MAML3: variants seen among roughly 807,000 people sequenced by gnomAD.
The protein encoded by MAML3 is mastermind like transcriptional coactivator 3.
MAML3 carries 27 observed loss-of-function variants against 101.9 expected under a neutral mutation model. The ratio of observed to expected loss-of-function variants is 0.27; its 90% CI spans 0.20 to 0.37. The LOEUF is 0.37. Among genes scored for constraint, MAML3 ranks in the 10% least tolerant of loss-of-function variants. The pLI, the probability that MAML3 is intolerant of heterozygous loss-of-function variation, is 1.00. For synonymous variants in MAML3, 501 were observed against 555.9 expected, an observed-to-expected ratio of 0.90 and a Z score of 1.39; for missense variants, 1,316 against 1,444.9, an observed-to-expected ratio of 0.91 and a Z score of 1.45.
At chr4:140,122,204 GAA>G (rs1222232530) in intron 1 of MAML3, among the ~76,000 whole-genome samples, 1 of 146,572 alleles carries the variant, frequency 6.8e-6, no homozygotes, top group Non-Finnish European at 1.5e-5. Flanking sequence ...CTTCTCACAG[GAA>G]TAATCAAACG....
chr4:139,764,488 C>T (rs775377981), intron 2 of MAML3, among the ~76,000 whole-genome samples: 4 of 152,164 alleles, frequency 2.6e-5, no homozygotes, highest in African/African-American at 9.7e-5. Flanking sequence ...ATTCTGTGAC[C>T]GAGGACATTG....
chr4:140,152,414 G>A (rs980461512), intron 1 of MAML3, among the ~76,000 whole-genome samples: 1 of 152,136 alleles, frequency 6.6e-6, no homozygotes, highest in East Asian at 1.9e-4. Flanking sequence ...CGGCGGATGT[G>A]CTGAGAGGGG....
chr4:140,123,731 C>A (rs1728643400), intron 1 of MAML3, among the ~76,000 whole-genome samples: 2 of 152,082 alleles, frequency 1.3e-5, no homozygotes, highest in African/African-American at 4.8e-5. Flanking sequence ...TGTGAGGGGG[C>A]CAACATCTTT....
chr4:140,076,944 C>T (rs1360121463), intron 1 of MAML3, among the ~76,000 whole-genome samples: 3 of 152,114 alleles, frequency 2.0e-5, no homozygotes, highest in Admixed American at 2.0e-4. Context: ...GGCTGGAGTG[C>T]AGTGGCGCAA....
At chr4:139,893,476 G>A (rs1432576100) in intron 1 of MAML3, among the ~76,000 whole-genome samples, 1 of 152,224 alleles carries the variant, frequency 6.6e-6, no homozygotes, top group Admixed American at 6.5e-5. Context: ...AGGAACCGTG[G>A]CTGACGTGCT....
intron 1 of MAML3, among the ~76,000 whole-genome samples, chr4:140,021,308 T>G (rs112350874): frequency 6.6e-6 from 1 of 152,294 alleles, no homozygotes; most frequent in African/African-American, 2.4e-5. Flanking sequence ...GAGTATGGAC[T>G]ACTTAAGCAA....
intron 1 of MAML3, among the ~76,000 whole-genome samples, chr4:140,009,417 G>A (rs1726512557): frequency 6.6e-6 from 1 of 152,186 alleles, no homozygotes; most frequent in Non-Finnish European, 1.5e-5. Context: ...CTGTACTACA[G>A]TCCAGTGGAG....
intron 1 of MAML3, among the ~76,000 whole-genome samples, chr4:140,066,514 C>T (rs1727539592): frequency 6.6e-6 from 1 of 152,150 alleles, no homozygotes; most frequent in Admixed American, 6.6e-5. Context: ...TCTCAGGCCA[C>T]ACAAGTCAGC....
At position 139,758,117 on chromosome 4, in the gene MAML3, CA is replaced by C. The variant is rs147176747; in HGVS notation, c.2080-27451del. 7.6e-3 allele frequency among the ~76,000 whole-genome samples: 1,159 copies of C among 152,268 alleles called. 14 individuals are homozygous for C. Among genetic ancestry groups the C allele is most frequent in the African/African-American group, 0.027 (1,109 of 41,560 alleles). On this transcript the variant is annotated intron_variant, in intron 2 of 4. Transcript: ENST00000509479. ...TAGGACCTAATGACTTAGTGATAGA[CA>C]AATGATGGAAAATAGGTCTGTGATT...
intron 1 of MAML3, among the ~76,000 whole-genome samples, chr4:139,994,168 CA>C (rs2110832695): frequency 6.6e-6 from 1 of 152,316 alleles, no homozygotes; most frequent in African/African-American, 2.4e-5. Context: ...TCTGGACTCC[CA>C]AAATTCTGTT....
At chr4:139,914,218 C>T (rs979151849) in intron 1 of MAML3, among the ~76,000 whole-genome samples, 1 of 152,104 alleles carries the variant, frequency 6.6e-6, no homozygotes, top group Non-Finnish European at 1.5e-5. Flanking sequence ...AAAACAATCA[C>T]CCCACGTTGC....
chr4:139,911,774 G>T (rs530685333), intron 1 of MAML3, among the ~76,000 whole-genome samples: 20 of 152,312 alleles, frequency 1.3e-4, no homozygotes, highest in Admixed American at 1.3e-3. Context: ...GAAGACAGTT[G>T]TCTATGATCC....
Position 140,053,238 on chromosome 4 carries a change from T to C in MAML3, c.468+99622A>G, listed in dbSNP as rs115473322. Among the ~76,000 whole-genome samples the C allele has an allele frequency of 2.5e-3, 381 of 152,166 alleles. 2 individuals carry two copies. The highest frequency in any genetic ancestry group is 8.6e-3 in the African/African-American group (356 of 41,478). The stretch of plus-strand genomic sequence containing the variant: ...TCTCTCCAAACAGCCCCTTCCAATA[T>C]TCTTCATGTCTTCATGGCAGCAGCA... On this transcript the variant is annotated intron_variant, in intron 1 of 4. Coordinates refer to ENST00000509479, the MANE Select transcript of MAML3 (RefSeq NM_018717.5).
intron 1 of MAML3, among the ~76,000 whole-genome samples, chr4:140,009,503 C>T (rs1409172635): frequency 6.6e-6 from 1 of 152,024 alleles, no homozygotes; most frequent in Non-Finnish European, 1.5e-5. Flanking sequence ...TTTTTTTGTC[C>T]TCCATTAACC....
chr4:140,122,871 T>G (rs938825153), intron 1 of MAML3, among the ~76,000 whole-genome samples: 4 of 152,080 alleles, frequency 2.6e-5, no homozygotes, highest in Non-Finnish European at 5.9e-5. Context: ...AATAGTTAAC[T>G]TGAAGTAAAT....
At chr4:139,929,983 C>A (rs959509850) in intron 1 of MAML3, among the ~76,000 whole-genome samples, 1 of 152,204 alleles carries the variant, frequency 6.6e-6, no homozygotes, top group Non-Finnish European at 1.5e-5. Context: ...AGTACTCCTG[C>A]ATCCACCTGC....
chr4:140,135,633 G>C (rs1487913425), intron 1 of MAML3, among the ~76,000 whole-genome samples: 2 of 152,238 alleles, frequency 1.3e-5, no homozygotes, highest in African/African-American at 4.8e-5. Context: ...TTGCCAATGA[G>C]ACTAGACGTC....
At chr4:139,856,473 G>A (rs1327269982) in intron 2 of MAML3, among the ~76,000 whole-genome samples, 1 of 152,190 alleles carries the variant, frequency 6.6e-6, no homozygotes, top group African/African-American at 2.4e-5. Context: ...TTTTCTGGAT[G>A]GAGATATTGG....
rs905623321 is a variant in MAML3, at chr4:139,824,384, G to C, written c.2079+64973C>G. Among the ~76,000 whole-genome samples, 3 of 152,196 alleles carry C rather than the reference G, an allele frequency of 2.0e-5. No homozygotes were observed. In the East Asian group the frequency reaches 5.8e-4, roughly 29 times the overall value. ...AGAATAAAAATAGAATCAAACCCAAGCTGGGCATCTCTCAGCGTCTCCCAG... is the reference window on the plus strand; with the variant it reads ...AGAATAAAAATAGAATCAAACCCAACCTGGGCATCTCTCAGCGTCTCCCAG... On this transcript the variant is annotated intron_variant, in intron 2 of 4. Coordinates refer to ENST00000509479, the MANE Select transcript of MAML3 (RefSeq NM_018717.5).
Sources: gnomAD v4.1 joint callset for allele counts (sites outside exome capture counted in the v4.1 genomes callset) on GRCh38, gnomAD v4.1.1 for gene constraint, MANE v1.5 for transcripts, NCBI Gene and HGNC (gene_info 2026-07-23, HGNC 2026-07-21) for gene names.